AEBP2: variants seen among roughly 807,000 people sequenced by gnomAD.
The protein encoded by AEBP2 is AE binding protein 2.
In AEBP2, 10 loss-of-function variants were observed where a neutral mutation model predicts 50.8. The ratio of observed to expected loss-of-function variants is 0.20; its 90% CI spans 0.12 to 0.33. AEBP2 has a LOEUF of 0.33. Ranked by LOEUF, AEBP2 falls within the 10% of genes least tolerant of loss-of-function variation. The probability of loss-of-function intolerance (pLI) is 1.00; values close to 1 mark genes in which losing one functional copy is unlikely to be tolerated. For missense variants in AEBP2, 570 were observed against 688.0 expected (o/e 0.83, Z 1.92); for synonymous variants, 296 against 261.3 (o/e 1.13, Z -1.28).
chr12:19,466,773 A>C (rs1008138324), intron 2 of AEBP2: 3 of 983,976 alleles, frequency 3.0e-6, no homozygotes, highest in Non-Finnish European at 3.6e-6. Flanking sequence ...ATGGAACAGA[A>C]ACAGATGAGG....
intron 1 of AEBP2, among the ~76,000 whole-genome samples, chr12:19,457,871 G>T (rs983983603): frequency 2.6e-5 from 4 of 152,114 alleles, no homozygotes; most frequent in African/African-American, 9.7e-5. Context: ...ATCTGCATTT[G>T]ATTTGTATAC....
chr12:19,467,819 G>A (rs1460725191), intron 2 of AEBP2, among the ~76,000 whole-genome samples: 1 of 152,110 alleles, frequency 6.6e-6, no homozygotes, highest in African/African-American at 2.4e-5. Context: ...TCTTGATATA[G>A]GATTTATTTT....
chr12:19,474,030 T>C (rs12370331), intron 3 of AEBP2, among the ~76,000 whole-genome samples: 19,125 of 152,146 alleles, frequency 0.13, 1,341 homozygotes, highest in South Asian at 0.22. Flanking sequence ...GCAAACAACA[T>C]TGACTATTAT....
chr12:19,415,567 A>AT (rs1309012739), intron 1 of AEBP2, among the ~76,000 whole-genome samples: 4 of 151,036 alleles, frequency 2.6e-5, no homozygotes, highest in Non-Finnish European at 5.9e-5. Flanking sequence ...TAGAAATCAG[A>AT]TTTTTTTGTC....
At chr12:19,440,744 C>A in intron 1 of AEBP2, 1 of 1,533,530 alleles carries the variant, frequency 6.5e-7, no homozygotes, top group Non-Finnish European at 8.7e-7. Flanking sequence ...TTCTTCCAAC[C>A]GTGTTCGGGA....
chr12:19,434,985 G>T (rs1456138032), upstream of AEBP2, among the ~76,000 whole-genome samples: 1 of 151,842 alleles, frequency 6.6e-6, no homozygotes, highest in East Asian at 1.9e-4. Flanking sequence ...ATTCACTTTT[G>T]ACACTTTTTT....
chr12:19,478,825 A>T (rs1243762728), intron 3 of AEBP2, among the ~76,000 whole-genome samples: 1 of 152,062 alleles, frequency 6.6e-6, no homozygotes, highest in Non-Finnish European at 1.5e-5. Flanking sequence ...CTGTGGTCTG[A>T]TAGGATACTT....
intron 1 of AEBP2, among the ~76,000 whole-genome samples, chr12:19,408,888 G>A (rs1306754586): frequency 6.8e-6 from 1 of 146,184 alleles, no homozygotes. Flanking sequence ...GGGTGACAGA[G>A]TGAGACTCTG....
chr12:19,521,509 G>T lies in AEBP2; in HGVS notation c.*3392G>T, dbSNP rs1038155390. ...AAAAGAATCTTAAGGTGGAAATAGT[G>T]TAAAATTTAAAATTTTTTATATTTC... On this transcript the variant is annotated 3_prime_UTR_variant, in exon 8 of 8. Transcript: ENST00000266508. 10 of 151,968 alleles carry T rather than the reference G, an allele frequency of 6.6e-5. No individual in the cohort carries two copies. Among genetic ancestry groups the T allele is most frequent in the African/African-American group, 2.4e-4 (10 of 41,400 alleles). 9.4% of individuals were successfully genotyped at this position (151,968 alleles called of 1,614,324 possible).
chr12:19,439,281 G>C (rs939724682), upstream of AEBP2, among the ~76,000 whole-genome samples: 1 of 152,054 alleles, frequency 6.6e-6, no homozygotes, highest in Non-Finnish European at 1.5e-5. Flanking sequence ...TAAAATCCCC[G>C]GCCAGCGTTG....
chr12:19,455,061 G>C (rs1948243137), intron 1 of AEBP2, among the ~76,000 whole-genome samples: 1 of 151,048 alleles, frequency 6.6e-6, no homozygotes, highest in African/African-American at 2.4e-5. Context: ...GGAGTGCAGT[G>C]GCACAATCAT....
chr12:19,449,638 G>A (rs1948131168), intron 1 of AEBP2, among the ~76,000 whole-genome samples: 1 of 152,056 alleles, frequency 6.6e-6, no homozygotes, highest in Non-Finnish European at 1.5e-5. Context: ...AATAATTGTG[G>A]GGATAGAAAG....
chr12:19,424,097 G>T (rs896886621), intron 1 of AEBP2, among the ~76,000 whole-genome samples: 1 of 152,136 alleles, frequency 6.6e-6, no homozygotes, highest in Non-Finnish European at 1.5e-5. Context: ...AGAGAGTTGG[G>T]CCAAGTAGGT....
intron 1 of AEBP2, among the ~76,000 whole-genome samples, chr12:19,460,114 T>G (rs74844710): frequency 0.057 from 8,667 of 152,016 alleles, 534 homozygotes; most frequent in Admixed American, 0.15. Flanking sequence ...GAGGCTGAGG[T>G]GGGAGGATCA....
chr12:19,421,379 A>C (rs937349759), intron 1 of AEBP2, among the ~76,000 whole-genome samples: 1 of 151,740 alleles, frequency 6.6e-6, no homozygotes, highest in Non-Finnish European at 1.5e-5. Flanking sequence ...AACAAACAAA[A>C]AAAAGAATGG....
intron 1 of AEBP2, among the ~76,000 whole-genome samples, chr12:19,408,239 G>A (rs2095737391): frequency 6.6e-6 from 1 of 152,064 alleles, no homozygotes; most frequent in African/African-American, 2.4e-5. Context: ...AAGGGAAACT[G>A]GGCAGTTGGG....
intron 3 of AEBP2, among the ~76,000 whole-genome samples, chr12:19,481,048 C>T (rs1030972542): frequency 3.5e-5 from 5 of 142,138 alleles, no homozygotes; most frequent in Non-Finnish European, 6.1e-5. Context: ...TCTTTGAGCT[C>T]TGAAATTCTT....
intron 1 of AEBP2, among the ~76,000 whole-genome samples, chr12:19,448,899 C>T (rs927960902): frequency 7.2e-5 from 11 of 152,018 alleles, no homozygotes; most frequent in Non-Finnish European, 1.2e-4. Flanking sequence ...AGGCTGGTCT[C>T]GAACCCCTGA....
At chr12:19,459,336 A>G (rs559632871) in intron 1 of AEBP2, among the ~76,000 whole-genome samples, 74 of 151,600 alleles carry the variant, frequency 4.9e-4, no homozygotes, top group Non-Finnish European at 9.1e-4. Context: ...GGTTCATGCC[A>G]TTCTCCTGCC....
Sources: gnomAD v4.1 joint callset for allele counts (sites outside exome capture counted in the v4.1 genomes callset) on GRCh38, gnomAD v4.1.1 for gene constraint, MANE v1.5 for transcripts, NCBI Gene and HGNC (gene_info 2026-07-23, HGNC 2026-07-21) for gene names.